Variants in IMMP2L observed in about 807,000 individuals in gnomAD.
The protein encoded by IMMP2L is mitochondrial inner membrane protease subunit 2.
Under a neutral mutation model 19.3 loss-of-function variants are expected in IMMP2L, and 18 were observed. The observed-to-expected ratio is 0.93, with a 90% CI of 0.64 to 1.38. IMMP2L has a LOEUF of 1.38. Ranked by LOEUF, IMMP2L falls within the 40% of genes most tolerant of loss-of-function variation. The pLI, the probability that IMMP2L is intolerant of heterozygous loss-of-function variation, is 0.00. For synonymous variants in IMMP2L, 76 were observed against 73.0 expected, an observed-to-expected ratio of 1.04 and a Z score of -0.21; for missense variants, 233 against 218.2, an observed-to-expected ratio of 1.07 and a Z score of -0.43.
chr7:111,235,356 C>T (rs1036772113), intron 3 of IMMP2L, among the ~76,000 whole-genome samples: 15 of 151,610 alleles, frequency 9.9e-5, no homozygotes, highest in African/African-American at 3.2e-4. Flanking sequence ...CTGTAATCCC[C>T]GCTACTCGGG....
At chr7:110,898,899 G>A (rs1811587624) in intron 4 of IMMP2L, among the ~76,000 whole-genome samples, 1 of 151,414 alleles carries the variant, frequency 6.6e-6, no homozygotes, top group African/African-American at 2.4e-5. Flanking sequence ...GGAAGCTCAG[G>A]AAACCTGCCT....
At chr7:110,957,098 C>A (rs1165587086) in intron 4 of IMMP2L, among the ~76,000 whole-genome samples, 1 of 151,938 alleles carries the variant, frequency 6.6e-6, no homozygotes, top group Non-Finnish European at 1.5e-5. Context: ...ATGAAAATGA[C>A]TGCATTCCTA....
intron 3 of IMMP2L, among the ~76,000 whole-genome samples, chr7:111,076,248 A>G (rs1041375999): frequency 1.3e-5 from 2 of 152,274 alleles, no homozygotes; most frequent in East Asian, 1.9e-4. Context: ...CTCCAGCCCT[A>G]CTGAATCAGA....
intron 4 of IMMP2L, among the ~76,000 whole-genome samples, chr7:110,900,709 T>C (rs1018564214): frequency 3.1e-4 from 47 of 152,184 alleles, no homozygotes; most frequent in African/African-American, 1.1e-3. Context: ...TTCTGTCCAT[T>C]TTACGATGTT....
intron 3 of IMMP2L, among the ~76,000 whole-genome samples, chr7:111,212,866 T>A (rs905004869): frequency 2.0e-5 from 3 of 152,220 alleles, no homozygotes; most frequent in Non-Finnish European, 4.4e-5. Flanking sequence ...CATCTCCTGC[T>A]CTGTCCTTGT....
At chr7:111,489,188 C>A (rs1034010474) in intron 2 of IMMP2L, among the ~76,000 whole-genome samples, 1 of 151,672 alleles carries the variant, frequency 6.6e-6, no homozygotes, top group African/African-American at 2.4e-5. Context: ...GGACTAGAGG[C>A]GCCTGCCATC....
intron 5 of IMMP2L, among the ~76,000 whole-genome samples, chr7:110,665,753 A>C (rs144998559): frequency 3.9e-5 from 6 of 152,282 alleles, no homozygotes; most frequent in Admixed American, 2.6e-4. Context: ...TGATCACTTA[A>C]GGCAATATTG....
At chr7:110,850,386 C>T (rs1806079250) in intron 5 of IMMP2L, among the ~76,000 whole-genome samples, 2 of 152,088 alleles carry the variant, frequency 1.3e-5, no homozygotes, top group Admixed American at 1.3e-4. Flanking sequence ...AAGTTACTGC[C>T]CCTTTCTTTA....
At chr7:110,778,411 G>T (rs766490148) in intron 5 of IMMP2L, among the ~76,000 whole-genome samples, 1 of 151,944 alleles carries the variant, frequency 6.6e-6, no homozygotes, top group Non-Finnish European at 1.5e-5. Context: ...ATATAAAGAT[G>T]CTGATAATCT....
intron 4 of IMMP2L, among the ~76,000 whole-genome samples, chr7:110,959,807 G>A: frequency 6.6e-6 from 1 of 151,820 alleles, no homozygotes. Flanking sequence ...AAGAGAGGAG[G>A]CAGACCTTTT....
intron 3 of IMMP2L, among the ~76,000 whole-genome samples, chr7:110,980,886 A>C (rs1488890059): frequency 2.6e-5 from 4 of 152,340 alleles, no homozygotes; most frequent in African/African-American, 9.6e-5. Context: ...ATTAAACATG[A>C]TGAAAATAAT....
chr7:111,291,400 T>C (rs2129679391), intron 3 of IMMP2L, among the ~76,000 whole-genome samples: 1 of 152,286 alleles, frequency 6.6e-6, no homozygotes, highest in African/African-American at 2.4e-5. Flanking sequence ...GTCTCCTAAT[T>C]ACAACATTAA....
rs141652654 is a variant in IMMP2L, at chr7:110,972,131, A to G, written c.240-8566T>C. On this transcript the variant is annotated intron_variant, in intron 3 of 5. Coordinates refer to ENST00000405709, the MANE Select transcript of IMMP2L (RefSeq NM_032549.4). ...TGAAAAGGTCAACTTTATGCCCCCA[A>G]TTGTAGACTGGAATAGTATTAGCAA... Among the ~76,000 whole-genome samples, 784 of 152,064 alleles carry G rather than the reference A, an allele frequency of 5.2e-3. 12 individuals carry two copies. Among genetic ancestry groups the G allele is most frequent in the African/African-American group, 0.018 (755 of 41,492 alleles).
chr7:110,766,792 C>G (rs925357473), intron 5 of IMMP2L, among the ~76,000 whole-genome samples: 1 of 151,896 alleles, frequency 6.6e-6, no homozygotes, highest in Non-Finnish European at 1.5e-5. Context: ...GCTTTTTGGT[C>G]TCTCTACACA....
chr7:111,091,916 G>A (rs914358100), intron 3 of IMMP2L, among the ~76,000 whole-genome samples: 2 of 151,966 alleles, frequency 1.3e-5, no homozygotes, highest in African/African-American at 4.8e-5. Flanking sequence ...GTGATGGGGT[G>A]CAATTTTCCT....
intron 3 of IMMP2L, among the ~76,000 whole-genome samples, chr7:111,186,398 T>A (rs1157140791): frequency 6.6e-6 from 1 of 152,116 alleles, no homozygotes; most frequent in Admixed American, 6.5e-5. Context: ...CACTCAATTT[T>A]TTTAAGCATC....
chr7:111,479,413 T>A (rs1001916816), intron 3 of IMMP2L, among the ~76,000 whole-genome samples: 1 of 152,142 alleles, frequency 6.6e-6, no homozygotes, highest in African/African-American at 2.4e-5. Flanking sequence ...GAAATAGAAA[T>A]CAGCCACTGA....
At chr7:110,714,816 C>T (rs560955483) in intron 5 of IMMP2L, among the ~76,000 whole-genome samples, 235 of 152,220 alleles carry the variant, frequency 1.5e-3, no homozygotes, top group Non-Finnish European at 2.8e-3. Flanking sequence ...AGGCAGGTCT[C>T]GAACTCGACC....
At chr7:111,524,805 C>T (rs766440263) in intron 1 of IMMP2L, among the ~76,000 whole-genome samples, 1 of 146,204 alleles carries the variant, frequency 6.8e-6, no homozygotes, top group Non-Finnish European at 1.5e-5. Flanking sequence ...ACACCACTAC[C>T]AGATCCTACT....
Sources: gnomAD v4.1 joint callset for allele counts (sites outside exome capture counted in the v4.1 genomes callset) on GRCh38, gnomAD v4.1.1 for gene constraint, MANE v1.5 for transcripts, NCBI Gene and HGNC (gene_info 2026-07-23, HGNC 2026-07-21) for gene names.